Variants in TCFL5 observed in about 807,000 individuals in gnomAD.
TCFL5 encodes transcription factor-like 5 protein.
Under a neutral mutation model 44.3 loss-of-function variants are expected in TCFL5, and 9 were observed. The ratio of observed to expected loss-of-function variants is 0.20; its 90% confidence interval spans 0.12 to 0.35. TCFL5 has a LOEUF of 0.35. Ranked by LOEUF, TCFL5 falls within the 10% of genes least tolerant of loss-of-function variation. TCFL5 has a pLI of 1.00. For synonymous variants in TCFL5, 319 were observed against 271.6 expected, an observed-to-expected ratio of 1.17 and a Z score of -1.72; for missense variants, 603 against 613.4, an observed-to-expected ratio of 0.98 and a Z score of 0.18.
At chr20:62,858,412 G>C (rs2063929422) in intron 3 of TCFL5, among the ~76,000 whole-genome samples, 1 of 152,258 alleles carries the variant, frequency 6.6e-6, no homozygotes, top group Non-Finnish European at 1.5e-5. Context: ...AACCTGAGTA[G>C]TCGGCACAGA....
chr20:62,853,920 A>C (rs1395196624), intron 5 of TCFL5, 96 bp downstream of exon 5: 5 of 1,352,742 alleles, frequency 3.7e-6, no homozygotes, highest in Non-Finnish European at 5.2e-6. Context: ...AGATTCCAGG[A>C]AACAAAGGAT....
chr20:62,855,292 G>C (rs1008886214), intron 4 of TCFL5, among the ~76,000 whole-genome samples: 3 of 152,160 alleles, frequency 2.0e-5, no homozygotes, highest in African/African-American at 7.2e-5. Context: ...CTCCCAAGTA[G>C]CTGGGGCGAC....
At chr20:62,858,392 T>C (rs968566030) in intron 3 of TCFL5, among the ~76,000 whole-genome samples, 1 of 152,266 alleles carries the variant, frequency 6.6e-6, no homozygotes, top group Non-Finnish European at 1.5e-5. Context: ...TTGGTGATAT[T>C]TTATTCCTTA....
At position 62,841,800 on chromosome 20, in the gene TCFL5, G is replaced by C. The variant is rs1430165553; in HGVS notation, c.*175C>G. Reference sequence around the variant, plus strand: ...AGGACATTCATGGATAAGCATTTGCGTCTAGATAAATATTTTTACAAAATG... The same window carrying C: ...AGGACATTCATGGATAAGCATTTGCCTCTAGATAAATATTTTTACAAAATG... On this transcript the variant is annotated 3_prime_UTR_variant, in exon 6 of 6. Transcript: ENST00000335351. The C allele has an allele frequency of 1.5e-6, 1 of 671,918 alleles. No homozygotes were observed. Among genetic ancestry groups the C allele is most frequent in the Non-Finnish European group, 2.3e-6 (1 of 440,802 alleles). 41.6% of individuals were successfully genotyped at this position (671,918 alleles called of 1,614,324 possible).
At position 62,861,607 on chromosome 20, in the gene TCFL5, C is replaced by A. The variant is rs1333913278; in HGVS notation, c.64G>T (p.Val22Phe). ...GCGTCCCCGCCGCCCGCGCCCTCGA[C>A]GGCCGCCTCGCCGCCTGCCGCGCCT... is the stretch of plus-strand genomic sequence containing the variant. ...EAGAAGGEAA[V>F]EGAGGGDAAL... Residue 22 changes from valine to phenylalanine, a missense_variant, in exon 1 of 6, where the codon GTC becomes TTC. Physicochemically the swap from Val to Phe is conservative, Grantham distance 50 (BLOSUM62 -1). Coordinates refer to ENST00000335351, the MANE Select transcript of TCFL5 (RefSeq NM_006602.4). This position sits in a 1 kb window ranked among gnomAD's most constrained non-coding sequence, Gnocchi z 4.0. 6.8e-6 allele frequency: 7 copies of A among 1,023,724 alleles called. No individual in the cohort carries two copies. In the African/African-American group the frequency reaches 1.2e-4, roughly 18 times the overall value. 63.4% of individuals were successfully genotyped at this position (1,023,724 alleles called of 1,614,324 possible). A position where few individuals can be genotyped will look rare whatever the true frequency, so the allele number is the denominator to read the frequency against.
chr20:62,855,973 G>A (rs915900340), intron 4 of TCFL5, among the ~76,000 whole-genome samples: 1 of 151,624 alleles, frequency 6.6e-6, no homozygotes, highest in African/African-American at 2.4e-5. Context: ...ATTATAGGCC[G>A]GGTGTGGTGG....
intron 5 of TCFL5, chr20:62,851,902 C>T (rs947395570): frequency 1.7e-5 from 15 of 883,826 alleles, no homozygotes; most frequent in Non-Finnish European, 1.8e-5. Context: ...CTCCGCCTCC[C>T]GGGTTCAACA....
intron 5 of TCFL5, among the ~76,000 whole-genome samples, chr20:62,848,174 C>G (rs2063767498): frequency 6.6e-6 from 1 of 152,234 alleles, no homozygotes; most frequent in Non-Finnish European, 1.5e-5. Context: ...GGGCCTGATG[C>G]AGATGGCAGG....
chr20:62,861,011 G>T lies in TCFL5; in HGVS notation c.647+13C>A, dbSNP rs2063992674. 3 of 992,962 alleles carry T rather than the reference G, an allele frequency of 3.0e-6. No individual in the cohort carries two copies. The South Asian group carries it at 1.4e-4, about 45-fold the overall frequency. 61.5% of individuals were successfully genotyped at this position (992,962 alleles called of 1,614,324 possible). ...ACCCGGGCCCCGCCAGCCCCCGGCC[G>T]CCGGGCACGCACTTGTTGAGCGCCC... On this transcript the variant is annotated intron_variant, in intron 1 of 5. Transcript: ENST00000335351. The surrounding 1 kb of genome is among the most constrained non-coding windows in gnomAD (Gnocchi z 4.0).
chr20:62,851,094 C>T (rs1011717704), intron 5 of TCFL5, among the ~76,000 whole-genome samples: 4 of 152,236 alleles, frequency 2.6e-5, no homozygotes, highest in Non-Finnish European at 5.9e-5. Flanking sequence ...AGAGAAATCA[C>T]TTAAAACTCT....
chr20:62,849,164 C>CA (rs35886043), intron 5 of TCFL5, among the ~76,000 whole-genome samples: 20,157 of 146,104 alleles, frequency 0.14, 1,825 homozygotes, highest in Non-Finnish European at 0.2. Flanking sequence ...GACGCCGTCT[C>CA]AAAAAAAAAA....
At chr20:62,851,934 G>A (rs2063815399) in intron 5 of TCFL5, 1 of 784,574 alleles carries the variant, frequency 1.3e-6, no homozygotes. Flanking sequence ...TCAACCTCCT[G>A]AGTAGCTGGG....
chr20:62,845,452 G>A (rs1398595836), intron 5 of TCFL5: 6 of 1,332,590 alleles, frequency 4.5e-6, no homozygotes, highest in Non-Finnish European at 4.8e-6. Context: ...GTTTTAGGAT[G>A]CAATTTAAAA....
chr20:62,859,042 A>C (rs571659359), intron 3 of TCFL5, among the ~76,000 whole-genome samples: 33 of 152,346 alleles, frequency 2.2e-4, no homozygotes, highest in African/African-American at 7.9e-4. Flanking sequence ...GTATAACATA[A>C]GGAAAATAAA....
In TCFL5 at chr20:62,861,246, T is replaced by C; in HGVS notation, c.425A>G (p.Lys142Arg). Residue 142 changes from lysine to arginine, a missense_variant, in exon 1 of 6, where the codon AAG (lysine) becomes AGG (arginine). By Grantham distance (26) the Lys-to-Arg change is conservative. Transcript: ENST00000335351. This position sits in a 1 kb window ranked among gnomAD's most constrained non-coding sequence, Gnocchi z 4.0. ...CGCTCCGTCCCCGCCGCCCGACGTC[T>C]TCTCCGCCGCGCCCGCCTCGCTTAG... ...MLLSEAGAAEKTSGGGDGARA... is the reference protein window; with the variant it reads ...MLLSEAGAAERTSGGGDGARA... 1.7e-6 allele frequency: 2 copies of C among 1,187,926 alleles called. No individual in the cohort carries two copies. The highest frequency in any genetic ancestry group is 1.7e-5 in the South Asian group (1 of 57,944). The allele number at this position is 1,187,926 out of a possible 1,614,324, so 73.6% of individuals were successfully genotyped here.
intron 4 of TCFL5, among the ~76,000 whole-genome samples, chr20:62,856,908 T>C (rs1158441369): frequency 6.6e-6 from 1 of 152,154 alleles, no homozygotes; most frequent in Admixed American, 6.5e-5. Flanking sequence ...TGGCTGACAC[T>C]GAACAACTGC....
At chr20:62,853,919 G>A (rs2063850107) in intron 5 of TCFL5, 97 bp downstream of exon 5, 3 of 1,338,172 alleles carry the variant, frequency 2.2e-6, no homozygotes, top group East Asian at 4.6e-5. Context: ...TAGATTCCAG[G>A]AAACAAAGGA....
At chr20:62,845,732 C>T (rs780390522) in intron 5 of TCFL5, 141 of 1,606,534 alleles carry the variant, frequency 8.8e-5, no homozygotes, top group Non-Finnish European at 9.6e-5. Context: ...AGACATATTT[C>T]TGTCCCTGCC....
rs538890483 is a variant in TCFL5, at chr20:62,858,962, G to T, written c.994+402C>A. On this transcript the variant is annotated intron_variant, in intron 3 of 5. Transcript: ENST00000335351. Reference sequence around the variant, plus strand: ...CAGCCTCTCCCTGGCAGCCCTAATAGGGTCCTCCTATTAGCAGCCACCTAT... The same window carrying T: ...CAGCCTCTCCCTGGCAGCCCTAATATGGTCCTCCTATTAGCAGCCACCTAT... Among the ~76,000 whole-genome samples, 3 of 152,186 alleles carry T rather than the reference G, an allele frequency of 2.0e-5. No individual in the cohort carries two copies. The East Asian group carries it at 5.8e-4, about 29-fold the overall frequency.
Sources: gnomAD v4.1 joint callset for allele counts (sites outside exome capture counted in the v4.1 genomes callset) on GRCh38, gnomAD v4.1.1 for gene constraint, Gnocchi (gnomAD v3.1) non-coding constraint, MANE v1.5 for transcripts, NCBI Gene and HGNC (gene_info 2026-07-23, HGNC 2026-07-21) for gene names.